SETD7: variants seen among roughly 807,000 people sequenced by gnomAD.
SETD7 encodes the protein histone-lysine N-methyltransferase SETD7.
In SETD7, 16 loss-of-function variants were observed where a neutral mutation model predicts 41.8. The observed-to-expected ratio is 0.38, with a 90% CI of 0.26 to 0.58. SETD7 has a LOEUF of 0.58. SETD7 is among the 20% of genes least tolerant of loss of function. The probability of loss-of-function intolerance (pLI) is 0.64; values close to 1 mark genes in which losing one functional copy is unlikely to be tolerated. For synonymous variants in SETD7, 163 were observed against 169.7 expected (o/e 0.96, Z 0.31); for missense variants, 346 against 459.7 (o/e 0.75, Z 2.26).
intron 4 of SETD7, among the ~76,000 whole-genome samples, chr4:139,527,758 A>T (rs966771454): frequency 6.6e-6 from 1 of 152,152 alleles, no homozygotes; most frequent in African/African-American, 2.4e-5. Context: ...CTATGTACAA[A>T]ACTCTAGACT....
rs898989588 is a variant in SETD7, at chr4:139,506,360, G to A, written c.*5303C>T. 1 of 152,584 alleles carries A rather than the reference G, an allele frequency of 6.6e-6. No homozygotes were observed. Among genetic ancestry groups the A allele is most frequent in the African/African-American group, 2.4e-5 (1 of 41,432 alleles). The allele number at this position is 152,584 out of a possible 1,614,324, so 9.5% of individuals were successfully genotyped here. A position where few individuals can be genotyped will look rare whatever the true frequency, so the allele number is the denominator to read the frequency against. ...TTAACCGTGATGGGGTTAACTTTTG[G>A]TTGCAATAAATGCTGAAAGCATACC... On this transcript the variant is annotated 3_prime_UTR_variant, in exon 8 of 8. Coordinates refer to ENST00000274031, the MANE Select transcript of SETD7 (RefSeq NM_030648.4).
At chr4:139,548,663 C>T (rs1333449990) in intron 1 of SETD7, among the ~76,000 whole-genome samples, 28 of 152,128 alleles carry the variant, frequency 1.8e-4, no homozygotes, top group Admixed American at 1.8e-3. Flanking sequence ...TAAATATGCT[C>T]TTTATTTGTA....
chr4:139,501,195 G>A (rs1219781281), downstream of SETD7, among the ~76,000 whole-genome samples: 1 of 152,144 alleles, frequency 6.6e-6, no homozygotes, highest in Non-Finnish European at 1.5e-5. Context: ...GCTCCACAAA[G>A]GCAAGGATTT....
At chr4:139,525,009 G>A (rs1727285927) in intron 4 of SETD7, among the ~76,000 whole-genome samples, 1 of 152,154 alleles carries the variant, frequency 6.6e-6, no homozygotes, top group Non-Finnish European at 1.5e-5. Flanking sequence ...TAGAGATGGG[G>A]TTTCGCCCTG....
Position 139,555,009 on chromosome 4 carries a change from A to T in SETD7, c.40+1089T>A, listed in dbSNP as rs1028188998. Among the ~76,000 whole-genome samples the T allele has an allele frequency of 3.9e-5, 6 of 152,336 alleles. No individual in the cohort carries two copies. Among genetic ancestry groups the T allele is most frequent in the African/African-American group, 1.4e-4 (6 of 41,578 alleles). ...TTTACTCACATGCTTAGTTTAAAAC[A>T]TTCTGGTATCATACCACACCACACT... On this transcript the variant is annotated intron_variant, in intron 1 of 7. Coordinates refer to ENST00000274031, the MANE Select transcript of SETD7 (RefSeq NM_030648.4). The surrounding 1 kb of genome is among the most constrained non-coding windows in gnomAD (Gnocchi z 4.0).
rs1560692509 is a variant in SETD7 at position 139,546,915 on chromosome 4, G to A, written c.170+5C>T. The A allele has an allele frequency of 6.2e-7, 1 of 1,614,042 alleles. No individual in the cohort carries two copies. Among genetic ancestry groups the A allele is most frequent in the Non-Finnish European group, 8.5e-7 (1 of 1,180,020 alleles). The stretch of plus-strand genomic sequence containing the variant: ...CAAAGAACAAAATAAAACTGTGAGT[G>A]CTACCTGCCATCAAAGAAGAAGAAC... On this transcript the variant is annotated splice_donor_5th_base_variant and intron_variant, in intron 2 of 7. Coordinates refer to ENST00000274031, the MANE Select transcript of SETD7 (RefSeq NM_030648.4).
At chr4:139,523,793 G>A (rs1373756316) in intron 4 of SETD7, among the ~76,000 whole-genome samples, 1 of 152,166 alleles carries the variant, frequency 6.6e-6, no homozygotes, top group Admixed American at 6.5e-5. Flanking sequence ...TTTTTCTGGT[G>A]GTTTTCTTCA....
intron 7 of SETD7, among the ~76,000 whole-genome samples, chr4:139,513,466 G>A (rs895176549): frequency 2.0e-5 from 3 of 151,776 alleles, no homozygotes; most frequent in African/African-American, 7.3e-5. Context: ...GGGCATGATA[G>A]TAAGTACTTG....
chr4:139,533,070 A>G, intron 3 of SETD7, 95 bp downstream of exon 3: 1 of 1,142,336 alleles, frequency 8.8e-7, no homozygotes, highest in Non-Finnish European at 1.3e-6. Flanking sequence ...CAGGTTTCAC[A>G]GCTCCCAAGT....
chr4:139,542,058 A>C (rs1439373955), intron 2 of SETD7, among the ~76,000 whole-genome samples: 1 of 152,244 alleles, frequency 6.6e-6, no homozygotes, highest in East Asian at 1.9e-4. Flanking sequence ...TATTCAGCAT[A>C]AAAACAAAAC....
intron 7 of SETD7, among the ~76,000 whole-genome samples, chr4:139,514,277 T>A (rs1261202742): frequency 7.0e-6 from 1 of 142,444 alleles, no homozygotes; most frequent in Non-Finnish European, 1.5e-5. Flanking sequence ...AGAGAACCCA[T>A]CTCAGAAAAA....
intron 2 of SETD7, among the ~76,000 whole-genome samples, chr4:139,539,195 T>C (rs1226084838): frequency 6.6e-6 from 1 of 152,136 alleles, no homozygotes; most frequent in Non-Finnish European, 1.5e-5. Context: ...TTCCACTGTG[T>C]TCCCTTCCTT....
At chr4:139,553,991 A>G (rs1454712645) in intron 1 of SETD7, among the ~76,000 whole-genome samples, 1 of 152,216 alleles carries the variant, frequency 6.6e-6, no homozygotes, top group East Asian at 1.9e-4. Flanking sequence ...GTGCACACAC[A>G]CACTCCTGGC....
rs539684201 is a variant in SETD7, at chr4:139,555,738, G to T, written c.40+360C>A. Among the ~76,000 whole-genome samples, 4 of 152,244 alleles carry T rather than the reference G, an allele frequency of 2.6e-5. No individual in the cohort carries two copies. Among genetic ancestry groups the T allele is most frequent in the Non-Finnish European group, 5.9e-5 (4 of 67,984 alleles). ...CCGCGGAGTCCGCCGGCCTCAAGGG[G>T]CTGCCCTGCGGAGTGCACCCACCCT... On this transcript the variant is annotated intron_variant, in intron 1 of 7. Coordinates refer to ENST00000274031, the MANE Select transcript of SETD7 (RefSeq NM_030648.4). This position sits in a 1 kb window ranked among gnomAD's most constrained non-coding sequence, Gnocchi z 4.0.
chr4:139,517,787 C>T, intron 7 of SETD7, 98 bp downstream of exon 7: 1 of 1,286,166 alleles, frequency 7.8e-7, no homozygotes. Context: ...TCAGATGAAG[C>T]AGCCTTTATC....
chr4:139,549,373 G>A (rs1728046623), intron 1 of SETD7, among the ~76,000 whole-genome samples: 1 of 152,122 alleles, frequency 6.6e-6, no homozygotes, highest in South Asian at 2.1e-4. Context: ...ATAAAACACT[G>A]AAGGTGCACC....
At chr4:139,493,227 C>T (rs1017024229), downstream of SETD7, among the ~76,000 whole-genome samples, 1 of 152,128 alleles carries the variant, frequency 6.6e-6, no homozygotes, top group African/African-American at 2.4e-5. Context: ...TGAGACATGA[C>T]GGTCAAGGAG....
intron 7 of SETD7, among the ~76,000 whole-genome samples, chr4:139,512,069 G>A (rs1726891654): frequency 6.6e-6 from 1 of 152,086 alleles, no homozygotes; most frequent in Non-Finnish European, 1.5e-5. Context: ...GCATTTTAGC[G>A]ACACCCCCAG....
rs202137029 is a variant in SETD7 at position 139,518,060 on chromosome 4, G to A, written c.763-18C>T. On this transcript the variant is annotated intron_variant, in intron 6 of 7. Transcript: ENST00000274031. The stretch of plus-strand genomic sequence containing the variant: ...CTGTCAACCTGCAGAAAACAAGAAA[G>A]CGAGCCTTAGAGAGGACCTTTCTCC... The A allele has an allele frequency of 7.2e-5, 116 of 1,608,332 alleles. No homozygotes were observed. Among genetic ancestry groups the A allele is most frequent in the South Asian group, 8.9e-5 (8 of 90,258 alleles).
Sources: allele counts gnomAD v4.1 joint callset (sites outside exome capture counted in the v4.1 genomes callset), GRCh38; gene constraint gnomAD v4.1.1; non-coding constraint Gnocchi (gnomAD v3.1); transcripts MANE v1.5; gene names NCBI Gene and HGNC (gene_info 2026-07-23, HGNC 2026-07-21).